Variants in GPC6 observed in about 807,000 individuals in gnomAD.
The protein encoded by GPC6 is glypican-6.
GPC6 carries 14 observed loss-of-function variants against 55.2 expected under a neutral mutation model. The observed-to-expected ratio is 0.25, with a 90% CI of 0.17 to 0.40. GPC6 has a LOEUF of 0.40. Among genes scored for constraint, GPC6 ranks in the 10% least tolerant of loss-of-function variants. The pLI, the probability that GPC6 is intolerant of heterozygous loss-of-function variation, is 1.00. For missense variants in GPC6, 641 were observed against 708.5 expected, an observed-to-expected ratio of 0.90 and a Z score of 1.08; for synonymous variants, 278 against 259.6, an observed-to-expected ratio of 1.07 and a Z score of -0.68.
At chr13:93,618,227 T>A (rs1594315495) in intron 2 of GPC6, among the ~76,000 whole-genome samples, 1 of 152,218 alleles carries the variant, frequency 6.6e-6, no homozygotes, top group East Asian at 1.9e-4. Flanking sequence ...ATATGTATAT[T>A]TATGTATGTA....
intron 3 of GPC6, among the ~76,000 whole-genome samples, chr13:93,864,322 T>G (rs953947905): frequency 6.6e-6 from 1 of 151,756 alleles, no homozygotes; most frequent in Admixed American, 6.6e-5. Flanking sequence ...ACAAACCCAG[T>G]GCTGCTGCAA....
chr13:93,781,120 AC>A (rs1885632577), intron 2 of GPC6, among the ~76,000 whole-genome samples: 1 of 151,992 alleles, frequency 6.6e-6, no homozygotes, highest in African/African-American at 2.4e-5. Context: ...TACTAAAAAT[AC>A]AAAAATTAGC....
intron 3 of GPC6, among the ~76,000 whole-genome samples, chr13:94,001,493 A>G (rs1881799085): frequency 1.3e-5 from 2 of 152,146 alleles, no homozygotes; most frequent in African/African-American, 4.8e-5. Context: ...GTGTACACTA[A>G]ATTCTTATAT....
intron 6 of GPC6, among the ~76,000 whole-genome samples, chr13:94,371,111 G>A (rs1879521543): frequency 6.6e-6 from 1 of 152,200 alleles, no homozygotes; most frequent in African/African-American, 2.4e-5. Flanking sequence ...CCAGCAGCAA[G>A]TTAATGGTGG....
Position 93,771,172 on chromosome 13 carries a change from C to A in GPC6, c.320-58982C>A, listed in dbSNP as rs372422728. ...CATCTTTAAAAGCAAGTTGTTTCAG[C>A]CACTTTGATAGAAATTAAGTTGCAT... On this transcript the variant is annotated intron_variant, in intron 2 of 8. Transcript: ENST00000377047. 5.3e-5 allele frequency among the ~76,000 whole-genome samples: 8 copies of A among 152,240 alleles called. No homozygotes were observed. The South Asian group carries it at 6.2e-4, about 12-fold the overall frequency.
At chr13:93,979,327 G>GT (rs1247697047) in intron 3 of GPC6, among the ~76,000 whole-genome samples, 3 of 142,668 alleles carry the variant, frequency 2.1e-5, no homozygotes, top group Non-Finnish European at 4.6e-5. Flanking sequence ...GTTTGTGTGT[G>GT]TTTTTTTGTG....
chr13:93,890,127 T>C (rs1317665529), intron 3 of GPC6, among the ~76,000 whole-genome samples: 1 of 152,158 alleles, frequency 6.6e-6, no homozygotes, highest in African/African-American at 2.4e-5. Flanking sequence ...ATTAGGAATC[T>C]GAAGATTCCA....
chr13:93,451,617 G>C (rs908466862), intron 1 of GPC6, among the ~76,000 whole-genome samples: 1 of 152,228 alleles, frequency 6.6e-6, no homozygotes, highest in African/African-American at 2.4e-5. Flanking sequence ...GAGTTGAGTA[G>C]TTGCAGCAGG....
At chr13:93,845,681 T>A (rs1475594006) in intron 3 of GPC6, among the ~76,000 whole-genome samples, 1 of 146,474 alleles carries the variant, frequency 6.8e-6, no homozygotes, top group Non-Finnish European at 1.5e-5. Flanking sequence ...ATGTCCTTTG[T>A]AGGGACATGG....
intron 2 of GPC6, among the ~76,000 whole-genome samples, chr13:93,552,350 T>G (rs543374262): frequency 6.6e-6 from 1 of 152,308 alleles, no homozygotes; most frequent in African/African-American, 2.4e-5. Flanking sequence ...GTTTTTACAA[T>G]GCTGAAAGAG....
In GPC6 at chr13:94,238,969, T is replaced by C. The variant is rs567270815; in HGVS notation, c.878-47380T>C. ...GGGAAAATGCCTTTTGCAAAGATCATTCATAATGCTATAGTTTAGCCTATG... is the reference window on the plus strand; with the variant it reads ...GGGAAAATGCCTTTTGCAAAGATCACTCATAATGCTATAGTTTAGCCTATG... On this transcript the variant is annotated intron_variant, in intron 4 of 8. Coordinates refer to ENST00000377047, the MANE Select transcript of GPC6 (RefSeq NM_005708.5). Among the ~76,000 whole-genome samples, 5 of 152,270 alleles carry C rather than the reference T, an allele frequency of 3.3e-5. No homozygotes were observed. The South Asian group carries it at 1.0e-3, about 32-fold the overall frequency.
intron 2 of GPC6, among the ~76,000 whole-genome samples, chr13:93,711,120 G>A (rs528528447): frequency 2.4e-4 from 36 of 151,850 alleles, no homozygotes; most frequent in Non-Finnish European, 4.4e-4. Flanking sequence ...TAGAGATAAG[G>A]AGTAAAGCCT....
At chr13:93,993,184 A>T (rs1881386826) in intron 3 of GPC6, among the ~76,000 whole-genome samples, 1 of 152,072 alleles carries the variant, frequency 6.6e-6, no homozygotes, top group African/African-American at 2.4e-5. Context: ...TCCTCTATAT[A>T]TGTACAACTA....
intron 5 of GPC6, among the ~76,000 whole-genome samples, chr13:94,293,918 C>G (rs1409556004): frequency 2.0e-5 from 3 of 152,132 alleles, no homozygotes; most frequent in Non-Finnish European, 4.4e-5. Context: ...TTACCCACAG[C>G]GTACTATATA....
chr13:94,125,914 T>C (rs917760307), intron 4 of GPC6, among the ~76,000 whole-genome samples: 28 of 152,290 alleles, frequency 1.8e-4, no homozygotes, highest in Admixed American at 2.0e-4. Flanking sequence ...ACCATTTCTG[T>C]GCAATATTAT....
intron 4 of GPC6, among the ~76,000 whole-genome samples, chr13:94,111,391 G>A (rs1277334230): frequency 1.3e-4 from 19 of 151,454 alleles, no homozygotes; most frequent in Non-Finnish European, 2.1e-4. Flanking sequence ...GGGCTGACAC[G>A]TGCAGCAAAC....
chr13:94,407,219 G>A lies in GPC6; in HGVS notation c.*4002G>A, dbSNP rs1881403546. Reference sequence around the variant, plus strand: ...CTTCCAAAAAAAGACCCCTAACAATGGCATAATAGTGAGGTCTCTCTGTGC... The same window carrying A: ...CTTCCAAAAAAAGACCCCTAACAATAGCATAATAGTGAGGTCTCTCTGTGC... On this transcript the variant is annotated 3_prime_UTR_variant, in exon 9 of 9. Coordinates refer to ENST00000377047, the MANE Select transcript of GPC6 (RefSeq NM_005708.5). 6.6e-6 allele frequency: 1 copy of A among 151,946 alleles called. No homozygotes were observed. Among genetic ancestry groups the A allele is most frequent in the Non-Finnish European group, 1.5e-5 (1 of 67,946 alleles). 9.4% of individuals were successfully genotyped at this position (151,946 alleles called of 1,614,324 possible).
At chr13:94,290,447 A>T (rs868014848) in intron 5 of GPC6, among the ~76,000 whole-genome samples, 1 of 150,438 alleles carries the variant, frequency 6.6e-6, no homozygotes. Context: ...AAAAAAAAAA[A>T]AAGAAAAAGA....
At chr13:93,371,246 G>T (rs948175723) in intron 1 of GPC6, among the ~76,000 whole-genome samples, 1 of 152,056 alleles carries the variant, frequency 6.6e-6, no homozygotes, top group Non-Finnish European at 1.5e-5. Flanking sequence ...GGGGTTGGGG[G>T]TAGTATAGCC....
Sources: allele counts gnomAD v4.1 joint callset (sites outside exome capture counted in the v4.1 genomes callset), GRCh38; gene constraint gnomAD v4.1.1; transcripts MANE v1.5; gene names NCBI Gene and HGNC (gene_info 2026-07-23, HGNC 2026-07-21).